FOCAD: variants seen among roughly 807,000 people sequenced by gnomAD.
FOCAD encodes the protein focadhesin.
FOCAD carries 198 observed loss-of-function variants against 225.6 expected under a neutral mutation model. The ratio of observed to expected loss-of-function variants is 0.88; its 90% confidence interval spans 0.78 to 0.99. The LOEUF (loss-of-function observed/expected upper bound fraction) is 0.99. FOCAD is among the 50% of genes least tolerant of loss of function. The probability of loss-of-function intolerance (pLI) is 0.00; values close to 1 mark genes in which losing one functional copy is unlikely to be tolerated. For synonymous variants in FOCAD, 897 were observed against 755.0 expected (o/e 1.19, Z -3.08); for missense variants, 2,713 against 2,123.6 (o/e 1.28, Z -5.46).
At chr9:20,866,036 T>A in intron 17 of FOCAD, 60 bp downstream of exon 17, 1 of 1,400,686 alleles carries the variant, frequency 7.1e-7, no homozygotes, top group Non-Finnish European at 9.9e-7. Context: ...TTTTGACATT[T>A]GTAAAATAAG....
chr9:20,666,641 A>C (rs996470358), intron 2 of FOCAD, among the ~76,000 whole-genome samples: 2 of 152,216 alleles, frequency 1.3e-5, no homozygotes, highest in Non-Finnish European at 2.9e-5. Context: ...GAAGTTTCCA[A>C]TTAGAGCTTC....
intron 23 of FOCAD, among the ~76,000 whole-genome samples, chr9:20,915,998 G>C (rs7033577): frequency 0.26 from 38,754 of 151,932 alleles, 5,301 homozygotes; most frequent in Middle Eastern, 0.34. Flanking sequence ...ACAAGATTGA[G>C]ATCTATAGGA....
chr9:20,669,348 C>G (rs1237787086), intron 2 of FOCAD, among the ~76,000 whole-genome samples: 1 of 152,020 alleles, frequency 6.6e-6, no homozygotes, highest in Admixed American at 6.5e-5. Context: ...ACCAAAATAG[C>G]AAAAAACCAG....
At chr9:20,850,934 G>A (rs1005573988) in intron 15 of FOCAD, among the ~76,000 whole-genome samples, 1 of 150,164 alleles carries the variant, frequency 6.7e-6, no homozygotes, top group Non-Finnish European at 1.5e-5. Context: ...TAAGGTCCTC[G>A]AAGATAGAAA....
chr9:20,769,124 A>G (rs766708206), intron 7 of FOCAD, among the ~76,000 whole-genome samples: 1 of 152,122 alleles, frequency 6.6e-6, no homozygotes, highest in Non-Finnish European at 1.5e-5. Context: ...AATTTATACC[A>G]GACTGTTTAT....
intron 8 of FOCAD, among the ~76,000 whole-genome samples, chr9:20,777,799 G>A (rs1818915039): frequency 6.6e-6 from 1 of 151,920 alleles, no homozygotes; most frequent in African/African-American, 2.4e-5. Flanking sequence ...ACTTTCAATG[G>A]TTTTTAAAGA....
At position 20,693,265 on chromosome 9, in the gene FOCAD, G is replaced by A. The variant is rs147581888; in HGVS notation, c.-33+8972G>A. Among the ~76,000 whole-genome samples, 56 of 152,174 alleles carry A rather than the reference G, an allele frequency of 3.7e-4. No individual in the cohort carries two copies. The East Asian group carries it at 0.01, about 28-fold the overall frequency. On this transcript the variant is annotated intron_variant, in intron 1 of 43. Transcript: ENST00000338382. ...TGGCATTGGCACTGCTACTCTTTCC[G>A]CCTAGAGTCTTCTTTTCTGAGATGA... is the stretch of plus-strand genomic sequence containing the variant.
intron 11 of FOCAD, among the ~76,000 whole-genome samples, chr9:20,819,170 G>A (rs898951805): frequency 1.3e-5 from 2 of 152,086 alleles, no homozygotes; most frequent in Non-Finnish European, 2.9e-5. Context: ...CATACCTTAA[G>A]TGTTGGCTGT....
chr9:20,676,433 A>C (rs765417522), intron 2 of FOCAD, among the ~76,000 whole-genome samples: 53 of 152,208 alleles, frequency 3.5e-4, no homozygotes, highest in Non-Finnish European at 6.6e-4. Flanking sequence ...GGCTTTGAAA[A>C]TTAGCTTGTG....
intron 9 of FOCAD, among the ~76,000 whole-genome samples, chr9:20,781,023 C>T (rs1479780559): frequency 6.6e-6 from 1 of 152,074 alleles, no homozygotes; most frequent in Admixed American, 6.5e-5. Flanking sequence ...GTTGAATCCC[C>T]TGAATAACAT....
At chr9:20,766,438 C>A (rs1022505458) in intron 7 of FOCAD, among the ~76,000 whole-genome samples, 6 of 152,204 alleles carry the variant, frequency 3.9e-5, no homozygotes, top group Non-Finnish European at 7.3e-5. Flanking sequence ...ATGACTATCT[C>A]ATGGCTAATT....
chr9:20,730,324 A>T (rs904103526), intron 4 of FOCAD, among the ~76,000 whole-genome samples: 5 of 151,492 alleles, frequency 3.3e-5, no homozygotes, highest in Admixed American at 1.3e-4. Flanking sequence ...TATAAAGAGA[A>T]TCTTCCCCAT....
chr9:20,762,327 TTCAG>T (rs1457444782), intron 6 of FOCAD, among the ~76,000 whole-genome samples: 1 of 152,246 alleles, frequency 6.6e-6, no homozygotes, highest in Non-Finnish European at 1.5e-5. Context: ...AGATATATGT[TTCAG>T]TAATAATTTT....
chr9:20,989,566 C>T (rs1005785591), intron 41 of FOCAD, among the ~76,000 whole-genome samples: 3 of 152,090 alleles, frequency 2.0e-5, no homozygotes, highest in Admixed American at 2.0e-4. Context: ...TGTCTATAGT[C>T]CCAGCCACTT....
chr9:20,977,478 A>C (rs1840321614), intron 36 of FOCAD, among the ~76,000 whole-genome samples: 1 of 152,226 alleles, frequency 6.6e-6, no homozygotes, highest in Non-Finnish European at 1.5e-5. Flanking sequence ...ATAGAGTTAC[A>C]CATGCAAATA....
chr9:20,821,996 T>TAAAA (rs58640962), intron 14 of FOCAD, among the ~76,000 whole-genome samples: 1 of 49,300 alleles, frequency 2.0e-5, no homozygotes, highest in Non-Finnish European at 3.6e-5. Flanking sequence ...TAAAAGTTAC[T>TAAAA]AAAAAAAAAA....
intron 9 of FOCAD, among the ~76,000 whole-genome samples, chr9:20,780,347 T>A (rs1338576951): frequency 6.6e-6 from 1 of 152,236 alleles, no homozygotes; most frequent in East Asian, 1.9e-4. Context: ...CATTTCAAAT[T>A]CTGAAGCTAT....
At chr9:20,664,496 G>GAGTTTACA (rs1821834708) in intron 2 of FOCAD, among the ~76,000 whole-genome samples, 1 of 151,720 alleles carries the variant, frequency 6.6e-6, no homozygotes. Flanking sequence ...TCTTTCTGAA[G>GAGTTTACA]AGTTTATAAG....
intron 1 of FOCAD, among the ~76,000 whole-genome samples, chr9:20,707,288 A>G (rs1458338742): frequency 1.3e-5 from 2 of 152,162 alleles, no homozygotes; most frequent in South Asian, 2.1e-4. Context: ...TTTAATTTTA[A>G]TGTGTCTTAA....
Sources: allele counts gnomAD v4.1 joint callset (sites outside exome capture counted in the v4.1 genomes callset), GRCh38; gene constraint gnomAD v4.1.1; transcripts MANE v1.5; gene names NCBI Gene and HGNC (gene_info 2026-07-23, HGNC 2026-07-21).